Variants in COL27A1 observed in about 807,000 individuals in gnomAD.
COL27A1 encodes collagen type XXVII alpha 1 chain, also known as collagen alpha-1(XXVII) chain.
COL27A1 carries 106 observed loss-of-function variants against 251.3 expected under a neutral mutation model. That is an observed-to-expected ratio of 0.42 (90% CI 0.36 to 0.50). The LOEUF is 0.50. COL27A1 is among the 20% of genes least tolerant of loss of function. The pLI, the probability that COL27A1 is intolerant of heterozygous loss-of-function variation, is 0.00. For missense variants in COL27A1, 2,325 were observed against 2,522.8 expected, an observed-to-expected ratio of 0.92 and a Z score of 1.68; for synonymous variants, 1,000 against 986.3, an observed-to-expected ratio of 1.01 and a Z score of -0.26.
chr9:114,272,717 C>A (rs1835230038), intron 36 of COL27A1: 1 of 152,230 alleles, frequency 6.6e-6, no homozygotes, highest in Non-Finnish European at 1.5e-5. Context: ...CTCTTTCAAT[C>A]CTTGCAGTAA....
rs199641806 is a variant in COL27A1, at chr9:114,289,282, C to T, written c.4193C>T (p.Ser1398Leu). 12 of 1,592,550 alleles carry T rather than the reference C, an allele frequency of 7.5e-6. No individual in the cohort carries two copies. Among genetic ancestry groups the T allele is most frequent in the Admixed American group, 1.8e-5 (1 of 55,594 alleles). ...CGGGGGTGGCCGGGACCCAAAGGAT[C>T]GAAAGGCGCAGAGGTAAGAGGGCCG... ...GPRGWPGPKG[S>L]KGAEGPKGKQ... The change falls in exon 45 of 61, where the codon TCG (serine) becomes TTG (leucine). Residue 1398 changes from serine (S) to leucine (L), a missense_variant. Ser to Leu is a moderately radical substitution (Grantham distance 145). Coordinates refer to ENST00000356083, the MANE Select transcript of COL27A1 (RefSeq NM_032888.4).
intron 12 of COL27A1, among the ~76,000 whole-genome samples, chr9:114,214,693 C>A (rs1456484813): frequency 6.6e-6 from 1 of 152,260 alleles, no homozygotes; most frequent in African/African-American, 2.4e-5. Flanking sequence ...GTACTCTCCA[C>A]ATGGCTCCCT....
At chr9:114,296,577 G>C (rs1001970947) in intron 49 of COL27A1, among the ~76,000 whole-genome samples, 1 of 152,198 alleles carries the variant, frequency 6.6e-6, no homozygotes, top group Admixed American at 6.5e-5. Flanking sequence ...AAGACATGGG[G>C]AAACTGAAAC....
At position 114,292,208 on chromosome 9, in the gene COL27A1, C is replaced by T; in HGVS notation, c.4582C>T (p.Pro1528Ser). The T allele has an allele frequency of 6.4e-7, 1 of 1,552,512 alleles. No individual in the cohort carries two copies. Among genetic ancestry groups the T allele is most frequent in the Non-Finnish European group, 8.7e-7 (1 of 1,147,626 alleles). The change falls in exon 49 of 61, where the codon CCG (proline) becomes TCG (serine). Residue 1528 changes from proline (P) to serine (S), a missense_variant and splice_region_variant. Around this residue, in one of 4 missense-constraint regions of COL27A1, gnomAD observed 153 missense variants for 140.7 expected, o/e 1.09. Coordinates refer to ENST00000356083, the MANE Select transcript of COL27A1 (RefSeq NM_032888.4). ...GGGGGAGCCTGGGTCCAAAGGCCAG[C>T]CGGTGAGTGAGCGCCAAAGAATACA... is the stretch of plus-strand genomic sequence containing the variant. Reference protein sequence around the residue: ...NQGEPGSKGQPGDSGEMGFPG... With the variant: ...NQGEPGSKGQSGDSGEMGFPG...
chr9:114,158,568 C>T (rs1052916191), intron 1 of COL27A1, among the ~76,000 whole-genome samples: 4 of 152,192 alleles, frequency 2.6e-5, no homozygotes, highest in Non-Finnish European at 5.9e-5. Context: ...CATTCTGGAG[C>T]CCTGGGTTTG....
chr9:114,294,993 AC>A (rs764829938), intron 49 of COL27A1, among the ~76,000 whole-genome samples: 3 of 152,258 alleles, frequency 2.0e-5, no homozygotes, highest in Non-Finnish European at 2.9e-5. Context: ...GTCACAAGAC[AC>A]CATATCAATA....
intron 14 of COL27A1, among the ~76,000 whole-genome samples, chr9:114,223,966 T>C (rs1192240624): frequency 6.6e-6 from 1 of 152,210 alleles, no homozygotes; most frequent in South Asian, 2.1e-4. Context: ...GGTTACTGAA[T>C]TGACAAAAAT....
At chr9:114,213,421 G>A (rs1486304054) in intron 12 of COL27A1, among the ~76,000 whole-genome samples, 3 of 152,116 alleles carry the variant, frequency 2.0e-5, no homozygotes, top group African/African-American at 7.2e-5. Context: ...GCAGTCCCAG[G>A]TTTGAGGTCC....
intron 22 of COL27A1, among the ~76,000 whole-genome samples, chr9:114,243,268 TACA>T (rs751108846): frequency 3.9e-4 from 60 of 152,198 alleles, no homozygotes; most frequent in Non-Finnish European, 6.0e-4. Flanking sequence ...CTTCCTCATT[TACA>T]ACAAGAAGAC....
At chr9:114,207,520 C>G (rs906468960) in intron 10 of COL27A1, among the ~76,000 whole-genome samples, 6 of 152,212 alleles carry the variant, frequency 3.9e-5, no homozygotes, top group African/African-American at 1.4e-4. Flanking sequence ...TTAATGACAT[C>G]TGGGGTTGCT....
At chr9:114,190,140 G>T (rs1285397790) in intron 5 of COL27A1, among the ~76,000 whole-genome samples, 1 of 152,206 alleles carries the variant, frequency 6.6e-6, no homozygotes, top group Non-Finnish European at 1.5e-5. Flanking sequence ...TGTCTCTTGA[G>T]ACTCTGTTCA....
intron 49 of COL27A1, among the ~76,000 whole-genome samples, chr9:114,295,069 C>T (rs1471920129): frequency 6.6e-6 from 1 of 152,194 alleles, no homozygotes; most frequent in East Asian, 1.9e-4. Flanking sequence ...TTTCTATACA[C>T]TAATCAATGA....
Position 114,284,726 on chromosome 9 carries a change from A to G in COL27A1, c.3936A>G (p.Gly1312=). ...QGEPGLAGYD[G]HKGIVGPLGP... ...CCCTCCTTCTTGTTTGCCTGCAGGG[A>G]CACAAAGGCATTGTGGGACCCCTTG... Residue 1312 remains glycine, a splice_region_variant and synonymous_variant, in exon 41 of 61, where the codon GGA becomes GGG. Transcript: ENST00000356083. 1.9e-6 allele frequency: 3 copies of G among 1,614,124 alleles called. No individual in the cohort carries two copies. The highest frequency in any genetic ancestry group is 1.7e-6 in the Non-Finnish European group (2 of 1,180,006).
chr9:114,215,637 G>C (rs1432832063), intron 12 of COL27A1, among the ~76,000 whole-genome samples: 1 of 152,170 alleles, frequency 6.6e-6, no homozygotes, highest in Non-Finnish European at 1.5e-5. Flanking sequence ...AAAGAATATG[G>C]CTGCTTCGAG....
chr9:114,263,136 A>G (rs1390176470), intron 28 of COL27A1, among the ~76,000 whole-genome samples: 1 of 151,828 alleles, frequency 6.6e-6, no homozygotes, highest in Non-Finnish European at 1.5e-5. Context: ...ATGGGGTTTC[A>G]CCATGTTGGT....
At chr9:114,177,114 G>A (rs114924799) in intron 3 of COL27A1, among the ~76,000 whole-genome samples, 1,750 of 152,294 alleles carry the variant, frequency 0.011, 47 homozygotes, top group African/African-American at 0.04. Flanking sequence ...ACTCCTTCGA[G>A]GTAAATGCAG....
chr9:114,219,743 G>A (rs1277334476), intron 12 of COL27A1, 48 bp from the exon 13 acceptor site: 1 of 1,379,358 alleles, frequency 7.2e-7, no homozygotes, highest in Admixed American at 1.7e-5. Context: ...CCACCCTGAA[G>A]GTGACAACAC....
At chr9:114,251,408 TTCC>T (rs990898451) in intron 25 of COL27A1, among the ~76,000 whole-genome samples, 15 of 151,916 alleles carry the variant, frequency 9.9e-5, no homozygotes, top group South Asian at 4.2e-4. Context: ...GGCCTCTGCC[TTCC>T]TCCTCCTCCT....
intron 34 of COL27A1, 39 bp from the exon 35 acceptor site, chr9:114,269,202 C>G: frequency 6.6e-7 from 1 of 1,522,522 alleles, no homozygotes; most frequent in Non-Finnish European, 9.0e-7. Context: ...TGGGGCTGGC[C>G]CTACCCACCC....
Sources: gnomAD v4.1 joint callset for allele counts (sites outside exome capture counted in the v4.1 genomes callset) on GRCh38, gnomAD v4.1.1 for gene constraint, gnomAD v4.1.1 regional missense constraint, MANE v1.5 for transcripts, NCBI Gene and HGNC (gene_info 2026-07-23, HGNC 2026-07-21) for gene names.